DMXL1: variants seen among roughly 807,000 people sequenced by gnomAD.
DMXL1 encodes the protein Dmx like 1.
A neutral mutation model predicts 319.2 loss-of-function variants in DMXL1; 99 were observed. The observed-to-expected ratio is 0.31, with a 90% confidence interval of 0.26 to 0.37. The LOEUF is 0.37. Ranked by LOEUF, DMXL1 falls within the 10% of genes least tolerant of loss-of-function variation. The pLI is 1.00. For missense variants in DMXL1, 3,745 were observed against 3,595.6 expected, an observed-to-expected ratio of 1.04 and a Z score of -1.06; for synonymous variants, 1,385 against 1,235.2, an observed-to-expected ratio of 1.12 and a Z score of -2.54.
chr5:119,112,179 T>C lies in DMXL1; in HGVS notation c.497+1896T>C, dbSNP rs572998479. Among the ~76,000 whole-genome samples the C allele has an allele frequency of 3.3e-5, 5 of 152,302 alleles. No homozygotes were observed. The South Asian group carries it at 1.0e-3, about 32-fold the overall frequency. Reference sequence around the variant, plus strand: ...GGTTTCACCATGTTAGCCATGATGGTCTCAATCTCCTGACCTCGTGATCTG... The same window carrying C: ...GGTTTCACCATGTTAGCCATGATGGCCTCAATCTCCTGACCTCGTGATCTG... On this transcript the variant is annotated intron_variant, in intron 5 of 43. Transcript: ENST00000539542.
chr5:119,235,231 G>C (rs534373108), intron 39 of DMXL1, among the ~76,000 whole-genome samples: 1 of 152,188 alleles, frequency 6.6e-6, no homozygotes, highest in South Asian at 2.1e-4. Flanking sequence ...CTGGAAAGGG[G>C]TATTAAGCAG....
At chr5:119,216,432 CTA>C (rs1479022245) in intron 34 of DMXL1, among the ~76,000 whole-genome samples, 4 of 152,090 alleles carry the variant, frequency 2.6e-5, no homozygotes, top group African/African-American at 9.7e-5. Context: ...TCACCTGCTT[CTA>C]TATAGTCCAT....
chr5:119,162,030 G>A (rs1477516847), intron 19 of DMXL1, among the ~76,000 whole-genome samples: 1 of 152,214 alleles, frequency 6.6e-6, no homozygotes, highest in African/African-American at 2.4e-5. Context: ...AGACCAGCGT[G>A]AGCTTCCTGG....
intron 9 of DMXL1, among the ~76,000 whole-genome samples, chr5:119,123,944 A>C (rs1045266166): frequency 6.7e-6 from 1 of 150,214 alleles, no homozygotes; most frequent in Non-Finnish European, 1.5e-5. Flanking sequence ...TACTTCTACT[A>C]ATTAGGGATT....
chr5:119,072,708 G>C (rs1442805000), intron 1 of DMXL1, among the ~76,000 whole-genome samples: 1 of 152,148 alleles, frequency 6.6e-6, no homozygotes, highest in African/African-American at 2.4e-5. Context: ...AATGGTGGAG[G>C]CATTTAATGC....
At position 119,147,483 on chromosome 5, in the gene DMXL1, T is replaced by C. The variant is rs1442203244; in HGVS notation, c.2911+13T>C. 2 of 1,592,940 alleles carry C rather than the reference T, an allele frequency of 1.3e-6. No homozygotes were observed. Among genetic ancestry groups the C allele is most frequent in the South Asian group, 1.1e-5 (1 of 90,226 alleles). On this transcript the variant is annotated intron_variant, in intron 17 of 43. Coordinates refer to ENST00000539542, the MANE Select transcript of DMXL1 (RefSeq NM_001290321.3). ...AAGCCATCAGCAGGTTTGTAAATTT[T>C]ATGAAAAGAGACTAATTTTGTAACA...
At chr5:119,136,803 C>G (rs1766095519) in intron 13 of DMXL1, among the ~76,000 whole-genome samples, 1 of 152,254 alleles carries the variant, frequency 6.6e-6, no homozygotes, top group Admixed American at 6.5e-5. Context: ...CAGCAACCAC[C>G]TAGATTTCAG....
Position 119,121,060 on chromosome 5 carries a change from T to G in DMXL1, c.1023T>G (p.His341Gln). The change falls in exon 9 of 44, where the codon CAT becomes CAG. Residue 341 changes from histidine to glutamine, a missense_variant. By Grantham distance (24) the His-to-Gln change is conservative. Coordinates refer to ENST00000539542, the MANE Select transcript of DMXL1 (RefSeq NM_001290321.3). ...ATCTACCACATCAGCAGGATCCTCA[T>G]CATGTTCACAGGAACACTCCACTGC... is the stretch of plus-strand genomic sequence containing the variant. ...TGYLPHQQDP[H>Q]HVHRNTPLHA... is the part of the protein sequence containing the mutation. 6.2e-7 allele frequency: 1 copy of G among 1,613,804 alleles called. No homozygotes were observed. Among genetic ancestry groups the G allele is most frequent in the African/African-American group, 1.3e-5 (1 of 75,038 alleles).
intron 30 of DMXL1, among the ~76,000 whole-genome samples, chr5:119,195,736 G>A (rs184626435): frequency 1.3e-5 from 2 of 152,144 alleles, no homozygotes; most frequent in East Asian, 1.9e-4. Context: ...TTATGTTTTT[G>A]TATTTTACCA....
chr5:119,149,678 G>T lies in DMXL1; in HGVS notation c.3851G>T (p.Arg1284Leu). 6.2e-7 allele frequency: 1 copy of T among 1,613,932 alleles called. No individual in the cohort carries two copies. The highest frequency in any genetic ancestry group is 1.1e-5 in the South Asian group (1 of 91,072). Residue 1284 changes from arginine (R) to leucine (L), a missense_variant, in exon 18 of 44, where the codon CGA becomes CTA. Physicochemically the swap from Arg to Leu is moderately radical, Grantham distance 102 (BLOSUM62 -2). Around this residue, in one of 4 missense-constraint regions of DMXL1, gnomAD observed 2,096 missense variants for 1,985.4 expected, o/e 1.06. Coordinates refer to ENST00000539542, the MANE Select transcript of DMXL1 (RefSeq NM_001290321.3). ...CATCCTCCAAAGAAAACTCTGACTC[G>T]ATCCATGACCAGTCTTGCACAGAAA... ...GLHPPKKTLT[R>L]SMTSLAQKIC... is the part of the protein sequence containing the mutation.
At chr5:119,182,857 C>G (rs1263890475) in intron 28 of DMXL1, among the ~76,000 whole-genome samples, 5 of 151,990 alleles carry the variant, frequency 3.3e-5, no homozygotes, top group Admixed American at 2.0e-4. Context: ...AGAAGAGAAC[C>G]AGCTAAGCAA....
intron 1 of DMXL1, among the ~76,000 whole-genome samples, chr5:119,085,158 G>T (rs182645455): frequency 6.6e-6 from 1 of 151,692 alleles, no homozygotes; most frequent in East Asian, 1.9e-4. Flanking sequence ...GTGAAACCCC[G>T]TCTCTATTAA....
In DMXL1 at chr5:119,166,664, G is replaced by C. The variant is rs566233185; in HGVS notation, c.5019G>C (p.Glu1673Asp). 6 of 1,611,222 alleles carry C rather than the reference G, an allele frequency of 3.7e-6. No individual in the cohort carries two copies. The South Asian group carries it at 6.6e-5, about 18-fold the overall frequency. The part of the protein sequence containing the change: ...RMTQFFGHNF[E>D]DERWRKAALK... ...CACAGTTTTTTGGACACAATTTTGA[G>C]GATGAGAGGTGGCGTAAAGCAGCTT... The change falls in exon 22 of 44, where the codon GAG becomes GAC. Residue 1673 changes from glutamate (E) to aspartate (D), a missense_variant. Around this residue, in one of 4 missense-constraint regions of DMXL1, gnomAD observed 2,096 missense variants for 1,985.4 expected, o/e 1.06. Transcript: ENST00000539542.
chr5:119,097,949 T>C, intron 1 of DMXL1, 30 bp from the exon 2 acceptor site: 2 of 1,551,182 alleles, frequency 1.3e-6, no homozygotes, highest in Non-Finnish European at 1.8e-6. Context: ...CCTTGACACT[T>C]TTATCATTTT....
intron 1 of DMXL1, among the ~76,000 whole-genome samples, chr5:119,087,111 T>TA (rs934787270): frequency 2.0e-5 from 3 of 152,026 alleles, no homozygotes; most frequent in African/African-American, 7.2e-5. Context: ...TTGTTGATTG[T>TA]AACTTTTCAT....
chr5:119,089,294 T>TATATATATATTTA (rs150933906), intron 1 of DMXL1, among the ~76,000 whole-genome samples: 1 of 16,996 alleles, frequency 5.9e-5, no homozygotes. Context: ...ATATATATAT[T>TATATATATATTTA]TTTTTTTTTT....
chr5:119,131,227 A>G (rs909862403), intron 10 of DMXL1, among the ~76,000 whole-genome samples: 2 of 152,068 alleles, frequency 1.3e-5, no homozygotes, highest in African/African-American at 4.8e-5. Flanking sequence ...AAAACTTAAA[A>G]AAAATATATC....
intron 15 of DMXL1, 111 bp from the exon 16 acceptor site, chr5:119,146,726 T>G (rs1027012713): frequency 9.4e-7 from 1 of 1,062,786 alleles, no homozygotes; most frequent in Admixed American, 2.8e-5. Context: ...AAGCCTTAGG[T>G]AAAAGTTTTT....
At chr5:119,089,825 C>T (rs1284186217) in intron 1 of DMXL1, among the ~76,000 whole-genome samples, 1 of 151,164 alleles carries the variant, frequency 6.6e-6, no homozygotes, top group Non-Finnish European at 1.5e-5. Context: ...GGGGTTTCTC[C>T]AGGTTGGTCA....
Sources: gnomAD v4.1 joint callset for allele counts (sites outside exome capture counted in the v4.1 genomes callset) on GRCh38, gnomAD v4.1.1 for gene constraint, gnomAD v4.1.1 regional missense constraint, MANE v1.5 for transcripts, NCBI Gene and HGNC (gene_info 2026-07-23, HGNC 2026-07-21) for gene names.